Variants in FGD6 observed in about 807,000 individuals in gnomAD.
FGD6 encodes FYVE, RhoGEF and PH domain containing 6.
In FGD6, 90 loss-of-function variants were observed where a neutral mutation model predicts 149.4. That is an observed-to-expected ratio of 0.60 (90% CI 0.51 to 0.72). The LOEUF (loss-of-function observed/expected upper bound fraction) is 0.72. Ranked by LOEUF, FGD6 falls within the 30% of genes least tolerant of loss-of-function variation. The probability of loss-of-function intolerance (pLI) is 0.00; values close to 1 mark genes in which losing one functional copy is unlikely to be tolerated. For missense variants in FGD6, 1,437 were observed against 1,684.8 expected, an observed-to-expected ratio of 0.85 and a Z score of 2.57; for synonymous variants, 527 against 584.0, an observed-to-expected ratio of 0.90 and a Z score of 1.41.
chr12:95,214,510 T>G (rs999618116), intron 1 of FGD6, among the ~76,000 whole-genome samples: 1 of 152,184 alleles, frequency 6.6e-6, no homozygotes, highest in African/African-American at 2.4e-5. Context: ...TACTCCAATG[T>G]GAAATAAGTG....
intron 2 of FGD6, among the ~76,000 whole-genome samples, chr12:95,193,249 G>T (rs973345540): frequency 1.3e-5 from 2 of 152,120 alleles, no homozygotes; most frequent in Admixed American, 1.3e-4. Flanking sequence ...AAATGGCCCA[G>T]ATGTCCTTTA....
intron 2 of FGD6, among the ~76,000 whole-genome samples, chr12:95,185,376 T>A (rs1266666069): frequency 6.6e-6 from 1 of 152,152 alleles, no homozygotes; most frequent in East Asian, 1.9e-4. Context: ...AAATAAACAT[T>A]CGCTTCTGAC....
intron 2 of FGD6, among the ~76,000 whole-genome samples, chr12:95,184,188 C>T (rs546897848): frequency 1.3e-5 from 2 of 152,282 alleles, no homozygotes; most frequent in African/African-American, 4.8e-5. Flanking sequence ...AGGACTTCTG[C>T]AATCATTCCC....
intron 14 of FGD6, among the ~76,000 whole-genome samples, chr12:95,099,289 A>G (rs2136237015): frequency 6.6e-6 from 1 of 152,304 alleles, no homozygotes; most frequent in African/African-American, 2.4e-5. Flanking sequence ...GGTGGAGGTA[A>G]CACCTGTGGA....
At chr12:95,101,714 C>T (rs1878443511) in intron 14 of FGD6, among the ~76,000 whole-genome samples, 1 of 121,298 alleles carries the variant, frequency 8.2e-6, no homozygotes, top group Non-Finnish European at 1.6e-5. Context: ...GATGGAGCCT[C>T]ACTCTGTTGC....
intron 2 of FGD6, among the ~76,000 whole-genome samples, chr12:95,206,701 A>AAGAG (rs1565924037): frequency 1.8e-4 from 27 of 147,166 alleles, no homozygotes; most frequent in African/African-American, 4.8e-4. Flanking sequence ...CTCCAAAGAA[A>AAGAG]AAAAAAAAAA....
intron 3 of FGD6, among the ~76,000 whole-genome samples, chr12:95,164,806 T>A (rs1400164378): frequency 6.6e-6 from 1 of 152,126 alleles, no homozygotes; most frequent in Non-Finnish European, 1.5e-5. Context: ...AAACAAAAAA[T>A]GTTAACATCC....
intron 2 of FGD6, among the ~76,000 whole-genome samples, chr12:95,182,585 A>T (rs938774503): frequency 2.6e-5 from 4 of 152,222 alleles, no homozygotes; most frequent in Admixed American, 6.5e-5. Context: ...ACATTTATCG[A>T]GGGCCTACTA....
At chr12:95,204,164 G>C (rs954163963) in intron 2 of FGD6, among the ~76,000 whole-genome samples, 1 of 152,170 alleles carries the variant, frequency 6.6e-6, no homozygotes, top group African/African-American at 2.4e-5. Flanking sequence ...AACTGCCTCT[G>C]AGAACCCGGA....
intron 9 of FGD6, among the ~76,000 whole-genome samples, chr12:95,112,959 T>G (rs529737306): frequency 3.9e-5 from 6 of 152,294 alleles, no homozygotes; most frequent in African/African-American, 1.2e-4. Flanking sequence ...ACCTTGCAGA[T>G]CTGGTTCAAT....
In FGD6 at chr12:95,145,830, C is replaced by G. The variant is rs145969434; in HGVS notation, c.2686-4291G>C. On this transcript the variant is annotated intron_variant, in intron 5 of 20. Transcript: ENST00000343958. ...CTGAGATTACAGGCATATGCCACCA[C>G]GCCCAGCTAATTTTTATATTTTTAG... Among the ~76,000 whole-genome samples, 694 of 152,112 alleles carry G rather than the reference C, an allele frequency of 4.6e-3. 7 individuals are homozygous for G. Among genetic ancestry groups the G allele is most frequent in the African/African-American group, 0.016 (654 of 41,498 alleles).
intron 2 of FGD6, among the ~76,000 whole-genome samples, chr12:95,193,028 T>C (rs1881636114): frequency 6.6e-6 from 1 of 152,164 alleles, no homozygotes; most frequent in African/African-American, 2.4e-5. Context: ...GTGCAGACAC[T>C]GGGTCACTCA....
At chr12:95,101,336 C>G (rs1289129603) in intron 14 of FGD6, among the ~76,000 whole-genome samples, 5 of 152,066 alleles carry the variant, frequency 3.3e-5, no homozygotes, top group African/African-American at 1.2e-4. Flanking sequence ...GAGCGAGACT[C>G]TGTCACAAAA....
At chr12:95,139,636 A>C in intron 6 of FGD6, among the ~76,000 whole-genome samples, 1 of 150,376 alleles carries the variant, frequency 6.6e-6, no homozygotes, top group Non-Finnish European at 1.5e-5. Flanking sequence ...GCGCCCAGCC[A>C]GTTATATTTT....
chr12:95,187,309 A>C (rs557384309), intron 2 of FGD6, among the ~76,000 whole-genome samples: 1 of 143,042 alleles, frequency 7.0e-6, no homozygotes, highest in East Asian at 2.1e-4. Flanking sequence ...CCAGCCTGGG[A>C]GACAGTGCAA....
At chr12:95,168,658 C>A (rs1246457707) in intron 3 of FGD6, among the ~76,000 whole-genome samples, 7 of 150,000 alleles carry the variant, frequency 4.7e-5, no homozygotes, top group Non-Finnish European at 8.9e-5. Context: ...AGTGAAACTT[C>A]ATCTTAAAAA....
intron 2 of FGD6, among the ~76,000 whole-genome samples, chr12:95,173,699 C>T (rs1222885623): frequency 1.3e-5 from 2 of 152,024 alleles, no homozygotes; most frequent in East Asian, 3.9e-4. Flanking sequence ...CGTAAGTCTA[C>T]AAGAATATCT....
At chr12:95,200,414 T>A (rs549422044) in intron 2 of FGD6, among the ~76,000 whole-genome samples, 11 of 151,646 alleles carry the variant, frequency 7.3e-5, no homozygotes, top group African/African-American at 2.4e-4. Flanking sequence ...AATGGGAGAG[T>A]CTGGTAAACA....
In FGD6 at chr12:95,217,269, T is replaced by G. The variant is rs769597069; in HGVS notation, c.-29A>C. The G allele has an allele frequency of 1.2e-6, 2 of 1,601,888 alleles. No individual in the cohort carries two copies. The highest frequency in any genetic ancestry group is 1.7e-6 in the Non-Finnish European group (2 of 1,171,796). ...TCCCCGGTGCAGCTCGCTTCCCCGC[T>G]CGGCCCCTCAATCCATCTTCCCCTT... is the stretch of plus-strand genomic sequence containing the variant. On this transcript the variant is annotated 5_prime_UTR_variant, in exon 1 of 21. Transcript: ENST00000343958.
Sources: gnomAD v4.1 joint callset for allele counts (sites outside exome capture counted in the v4.1 genomes callset) on GRCh38, gnomAD v4.1.1 for gene constraint, MANE v1.5 for transcripts, NCBI Gene and HGNC (gene_info 2026-07-23, HGNC 2026-07-21) for gene names.